IFT43: variants seen among roughly 807,000 people sequenced by gnomAD.
IFT43 encodes intraflagellar transport 43.
In IFT43, 33 loss-of-function variants were observed where a neutral mutation model predicts 32.3. The observed-to-expected ratio is 1.02, with a 90% CI of 0.77 to 1.37. The LOEUF (loss-of-function observed/expected upper bound fraction) is 1.37. IFT43 is among the 40% of genes most tolerant of loss of function. The probability of loss-of-function intolerance (pLI) is 0.00; values close to 1 mark genes in which losing one functional copy is unlikely to be tolerated. For missense variants in IFT43, 274 were observed against 265.9 expected, an observed-to-expected ratio of 1.03 and a Z score of -0.21; for synonymous variants, 93 against 98.2, an observed-to-expected ratio of 0.95 and a Z score of 0.31.
At chr14:76,022,434 A>G in intron 3 of IFT43, 40 bp downstream of exon 3, 3 of 1,228,868 alleles carry the variant, frequency 2.4e-6, no homozygotes, top group Non-Finnish European at 3.6e-6. Context: ...GTGGGGGTGC[A>G]CACGGTTGGG....
At chr14:76,071,415 T>A (rs550759287) in intron 5 of IFT43, among the ~76,000 whole-genome samples, 1 of 152,222 alleles carries the variant, frequency 6.6e-6, no homozygotes, top group East Asian at 1.9e-4. Context: ...ACCAAAACTT[T>A]ATGAAGTTAA....
At chr14:75,999,747 C>G (rs1159869206) in intron 2 of IFT43, among the ~76,000 whole-genome samples, 1 of 152,194 alleles carries the variant, frequency 6.6e-6, no homozygotes, top group Non-Finnish European at 1.5e-5. Context: ...TGGCGGCCTG[C>G]AAAGCCTGTT....
In IFT43 at chr14:76,022,358, A is replaced by G. The variant is rs1385467674; in HGVS notation, c.179A>G (p.Gln60Arg). The change falls in exon 3 of 9, where the codon CAG becomes CGG. Residue 60 changes from glutamine (Q) to arginine (R), a missense_variant. By Grantham distance (43) the Gln-to-Arg change is conservative (BLOSUM62 1). Coordinates refer to ENST00000314067, the MANE Select transcript of IFT43 (RefSeq NM_001102564.3). ...TCTGCTAAATTACCTCGCTGCCGAC[A>G]GGGAGGCTGGGCAGGTGATTCCGTG... ...TSSAKLPRCR[Q>R]GGWAGDSVKA... 2.5e-6 allele frequency: 4 copies of G among 1,613,410 alleles called. No homozygotes were observed. The African/African-American group carries it at 5.3e-5, about 22-fold the overall frequency.
At position 75,999,272 on chromosome 14, in the gene IFT43, TGTATA is replaced by T. The variant is rs1430390468; in HGVS notation, c.147+10296_147+10300del. Among the ~76,000 whole-genome samples, 76 of 26,516 alleles carry T rather than the reference TGTATA, an allele frequency of 2.9e-3. 3 individuals are homozygous for T. Among genetic ancestry groups the T allele is most frequent in the Middle Eastern group, 0.017 (1 of 58 alleles). The allele number at this position is 26,516 out of a possible 152,430, so 17.4% of individuals were successfully genotyped here. A position where few individuals can be genotyped will look rare whatever the true frequency, so the allele number is the denominator to read the frequency against. On this transcript the variant is annotated intron_variant, in intron 2 of 8. Transcript: ENST00000314067. ...ATATATATATATATATATATATATA[TGTATA>T]TATATTTTTTTTTTTTTTTTTTTAA...
At chr14:76,023,618 C>T (rs980353053) in intron 3 of IFT43, among the ~76,000 whole-genome samples, 2 of 152,164 alleles carry the variant, frequency 1.3e-5, no homozygotes, top group African/African-American at 4.8e-5. Context: ...TGTTTCTTAT[C>T]CCCATTCTGT....
At chr14:76,018,603 A>G (rs140662619) in intron 2 of IFT43, among the ~76,000 whole-genome samples, 8 of 152,020 alleles carry the variant, frequency 5.3e-5, no homozygotes, top group African/African-American at 1.7e-4. Context: ...AGTTTTCTTT[A>G]TTGGTTTTCT....
chr14:76,019,550 G>T (rs2036252553), intron 2 of IFT43, among the ~76,000 whole-genome samples: 1 of 152,082 alleles, frequency 6.6e-6, no homozygotes, highest in Admixed American at 6.5e-5. Flanking sequence ...CCTTGGAGAA[G>T]ATCTTTTTGA....
intron 2 of IFT43, among the ~76,000 whole-genome samples, chr14:76,020,327 C>T (rs1258102141): frequency 6.6e-6 from 1 of 152,134 alleles, no homozygotes; most frequent in Non-Finnish European, 1.5e-5. Context: ...TCTTTAATAT[C>T]ATTGTTTTGA....
intron 3 of IFT43, among the ~76,000 whole-genome samples, chr14:76,024,002 T>C (rs933580160): frequency 1.5e-4 from 23 of 152,210 alleles, no homozygotes; most frequent in African/African-American, 5.5e-4. Flanking sequence ...TCCTCTTTTC[T>C]GCTTATCACT....
At chr14:76,039,301 G>A (rs1248613490) in intron 3 of IFT43, among the ~76,000 whole-genome samples, 2 of 152,248 alleles carry the variant, frequency 1.3e-5, no homozygotes, top group East Asian at 3.9e-4. Context: ...TGAGACTACA[G>A]GCGTGTGCCA....
intron 5 of IFT43, chr14:76,076,494 C>A: frequency 1.3e-6 from 2 of 1,540,238 alleles, no homozygotes; most frequent in Non-Finnish European, 8.8e-7. Context: ...TTTGTTCTCT[C>A]CCTGCTGGAG....
At chr14:76,012,321 A>G (rs958543933) in intron 2 of IFT43, among the ~76,000 whole-genome samples, 4 of 152,332 alleles carry the variant, frequency 2.6e-5, no homozygotes, top group Non-Finnish European at 5.9e-5. Flanking sequence ...TGGGGGAACC[A>G]TATAAAGATC....
intron 2 of IFT43, among the ~76,000 whole-genome samples, chr14:76,004,539 G>C (rs997478125): frequency 3.3e-5 from 5 of 152,074 alleles, no homozygotes; most frequent in Non-Finnish European, 7.4e-5. Context: ...GATTTGCTAA[G>C]GTTTGCTGAT....
chr14:76,070,457 A>G (rs1017640945), intron 5 of IFT43, among the ~76,000 whole-genome samples: 1 of 152,242 alleles, frequency 6.6e-6, no homozygotes, highest in East Asian at 1.9e-4. Flanking sequence ...CTCACTTAGT[A>G]AGAACATTTC....
At chr14:76,073,509 G>T (rs1015753369) in intron 5 of IFT43, among the ~76,000 whole-genome samples, 1 of 152,186 alleles carries the variant, frequency 6.6e-6, no homozygotes, top group Admixed American at 6.5e-5. Context: ...CAAACTTCAT[G>T]GCCAAGTGAC....
chr14:76,071,379 A>G (rs2037317995), intron 5 of IFT43, among the ~76,000 whole-genome samples: 1 of 152,228 alleles, frequency 6.6e-6, no homozygotes, highest in Non-Finnish European at 1.5e-5. Context: ...AGACACAGTG[A>G]TTCTCACCAT....
At chr14:76,042,951 G>A (rs1433377327) in intron 3 of IFT43, among the ~76,000 whole-genome samples, 1 of 152,136 alleles carries the variant, frequency 6.6e-6, no homozygotes, top group Non-Finnish European at 1.5e-5. Flanking sequence ...TCTCTTATTG[G>A]GCCACCTTTT....
At chr14:76,012,973 CAT>C (rs2139929705) in intron 2 of IFT43, among the ~76,000 whole-genome samples, 1 of 152,290 alleles carries the variant, frequency 6.6e-6, no homozygotes, top group African/African-American at 2.4e-5. Context: ...CCTTCTCTTC[CAT>C]ATAGTTTCTT....
intron 2 of IFT43, among the ~76,000 whole-genome samples, chr14:76,010,856 T>G (rs1215938941): frequency 6.6e-6 from 1 of 151,938 alleles, no homozygotes; most frequent in Non-Finnish European, 1.5e-5. Context: ...ATTTATTTCT[T>G]TTAAGTCTCT....
Sources: gnomAD v4.1 joint callset for allele counts (sites outside exome capture counted in the v4.1 genomes callset) on GRCh38, gnomAD v4.1.1 for gene constraint, MANE v1.5 for transcripts, NCBI Gene and HGNC (gene_info 2026-07-23, HGNC 2026-07-21) for gene names.